PIP4K2A: variants seen among roughly 807,000 people sequenced by gnomAD.
The protein encoded by PIP4K2A is phosphatidylinositol 5-phosphate 4-kinase type-2 alpha.
PIP4K2A carries 14 observed loss-of-function variants against 42.9 expected under a neutral mutation model. That is an observed-to-expected ratio of 0.33 (90% CI 0.22 to 0.51). The LOEUF (loss-of-function observed/expected upper bound fraction) is 0.51. Among genes scored for constraint, PIP4K2A ranks in the 20% least tolerant of loss-of-function variants. The probability of loss-of-function intolerance (pLI) is 0.97; values close to 1 mark genes in which losing one functional copy is unlikely to be tolerated. For missense variants in PIP4K2A, 434 were observed against 519.8 expected (o/e 0.83, Z 1.61); for synonymous variants, 192 against 192.2 (o/e 1.00, Z 0.01).
At chr10:22,660,697 A>T (rs989549007) in intron 1 of PIP4K2A, among the ~76,000 whole-genome samples, 13 of 152,136 alleles carry the variant, frequency 8.5e-5, no homozygotes, top group Non-Finnish European at 1.8e-4. Context: ...CTTAATTTCA[A>T]ATATAGCCTT....
intron 1 of PIP4K2A, among the ~76,000 whole-genome samples, chr10:22,667,933 GGAGACAGA>G (rs71395813): frequency 0.39 from 55,430 of 142,086 alleles, 11,349 homozygotes; most frequent in Non-Finnish European, 0.43. Context: ...GGGGAGGGAG[GGAGACAGA>G]GAGACAGAGA....
chr10:22,565,083 C>G (rs912516795), intron 6 of PIP4K2A, among the ~76,000 whole-genome samples: 43 of 89,742 alleles, frequency 4.8e-4, no homozygotes, highest in African/African-American at 1.2e-3. Flanking sequence ...CCAGTGTCTC[C>G]TGGCTCCTGT....
At chr10:22,623,541 T>G (rs910827561) in intron 1 of PIP4K2A, among the ~76,000 whole-genome samples, 5 of 151,770 alleles carry the variant, frequency 3.3e-5, no homozygotes, top group Admixed American at 6.6e-5. Context: ...CAGTCCAATG[T>G]GAGCGTCATG....
chr10:22,593,732 T>C (rs543788794), intron 3 of PIP4K2A, among the ~76,000 whole-genome samples: 8 of 152,366 alleles, frequency 5.3e-5, no homozygotes, highest in African/African-American at 1.4e-4. Flanking sequence ...AACTGTAAGA[T>C]TGCAGATTAT....
intron 3 of PIP4K2A, among the ~76,000 whole-genome samples, chr10:22,607,594 A>G (rs1837932943): frequency 6.6e-6 from 1 of 152,160 alleles, no homozygotes; most frequent in African/African-American, 2.4e-5. Context: ...GGCTACTGAC[A>G]TGTCTGACAG....
intron 1 of PIP4K2A, among the ~76,000 whole-genome samples, chr10:22,629,735 T>C (rs1297552289): frequency 6.6e-6 from 1 of 152,212 alleles, no homozygotes; most frequent in Admixed American, 6.5e-5. Flanking sequence ...TTTAACACTC[T>C]AGAGGAAATA....
chr10:22,601,148 AAAAAAAAAAAAAAAAC>A (rs1471061699), intron 3 of PIP4K2A, among the ~76,000 whole-genome samples: 84 of 138,516 alleles, frequency 6.1e-4, no homozygotes, highest in Middle Eastern at 3.6e-3. Context: ...AAAAAAAAAA[AAAAAAAAAAAAAAAAC>A]AAACCAGGAA....
intron 1 of PIP4K2A, among the ~76,000 whole-genome samples, chr10:22,683,958 G>C (rs964795488): frequency 1.3e-5 from 2 of 151,834 alleles, no homozygotes; most frequent in Non-Finnish European, 2.9e-5. Flanking sequence ...GAACGTTCCT[G>C]GCTACAATAA....
Position 22,553,210 on chromosome 10 carries a change from G to A in PIP4K2A, c.679-2438C>T, listed in dbSNP as rs141870076. ...AAGGGCTTACTGAAAGGATCAAGAG[G>A]CGAAGGCGGATCCTGGCAGGGCAGC... On this transcript the variant is annotated intron_variant, in intron 6 of 9. Transcript: ENST00000376573. Among the ~76,000 whole-genome samples, 900 of 152,280 alleles carry A rather than the reference G, an allele frequency of 5.9e-3. 4 individuals carry two copies. The highest frequency in any genetic ancestry group is 0.017 in the South Asian group (83 of 4,824).
At chr10:22,553,774 T>C (rs1015516241) in intron 6 of PIP4K2A, among the ~76,000 whole-genome samples, 1 of 148,406 alleles carries the variant, frequency 6.7e-6, no homozygotes, top group African/African-American at 2.5e-5. Flanking sequence ...GAAATGGGTA[T>C]TACAGGTTGA....
At chr10:22,609,778 T>C in intron 1 of PIP4K2A, 61 bp from the exon 2 acceptor site, 1 of 982,748 alleles carries the variant, frequency 1.0e-6, no homozygotes, top group South Asian at 1.4e-5. Flanking sequence ...GGACTTGACT[T>C]GAATGTGTAC....
intron 1 of PIP4K2A, among the ~76,000 whole-genome samples, chr10:22,674,007 T>C (rs1234889085): frequency 6.6e-6 from 1 of 152,218 alleles, no homozygotes; most frequent in Non-Finnish European, 1.5e-5. Context: ...TCAACTTACT[T>C]AACTTACTTT....
chr10:22,561,982 TAGTA>T (rs899144850), intron 6 of PIP4K2A, among the ~76,000 whole-genome samples: 6 of 152,324 alleles, frequency 3.9e-5, no homozygotes, highest in South Asian at 2.1e-4. Flanking sequence ...GGCTAAAATG[TAGTA>T]AGTGTTTTTA....
chr10:22,680,685 C>G (rs534853930), intron 1 of PIP4K2A, among the ~76,000 whole-genome samples: 3 of 152,310 alleles, frequency 2.0e-5, no homozygotes, highest in African/African-American at 7.2e-5. Context: ...GTCAAGAACT[C>G]AAGGAGGCTC....
chr10:22,631,201 AAC>A (rs1298963735), intron 1 of PIP4K2A, among the ~76,000 whole-genome samples: 2 of 152,338 alleles, frequency 1.3e-5, no homozygotes, highest in African/African-American at 4.8e-5. Flanking sequence ...TAGTGATAAT[AAC>A]AGACTGTAAC....
At position 22,714,174 on chromosome 10, in the gene PIP4K2A, A is replaced by T. The variant is rs935855874; in HGVS notation, c.144+9T>A. 3 of 1,604,256 alleles carry T rather than the reference A, an allele frequency of 1.9e-6. No individual in the cohort carries two copies. The highest frequency in any genetic ancestry group is 2.6e-6 in the Non-Finnish European group (3 of 1,174,574). On this transcript the variant is annotated intron_variant, in intron 1 of 9. Transcript: ENST00000376573. ...GGAAGGGGACCGCGCGCCGCAGCTG[A>T]GCCCTTACCGAGTGGTTTACCCCCC...
At chr10:22,613,832 G>A (rs1427217473) in intron 1 of PIP4K2A, among the ~76,000 whole-genome samples, 1 of 152,142 alleles carries the variant, frequency 6.6e-6, no homozygotes, top group Non-Finnish European at 1.5e-5. Context: ...CAGGATGGAG[G>A]GTGTTTGCTG....
chr10:22,572,227 G>A (rs1288981210), intron 5 of PIP4K2A, among the ~76,000 whole-genome samples: 2 of 152,226 alleles, frequency 1.3e-5, no homozygotes, highest in African/African-American at 4.8e-5. Flanking sequence ...AATGGTCTCT[G>A]CGGTAACTAC....
At chr10:22,545,504 C>T (rs1459286927) in intron 7 of PIP4K2A, among the ~76,000 whole-genome samples, 1 of 152,224 alleles carries the variant, frequency 6.6e-6, no homozygotes, top group Non-Finnish European at 1.5e-5. Flanking sequence ...CACCGGGCAG[C>T]CCAGAGTAAT....
Sources: gnomAD v4.1 joint callset for allele counts (sites outside exome capture counted in the v4.1 genomes callset) on GRCh38, gnomAD v4.1.1 for gene constraint, MANE v1.5 for transcripts, NCBI Gene and HGNC (gene_info 2026-07-23, HGNC 2026-07-21) for gene names.